ZNF385B: variants seen among roughly 807,000 people sequenced by gnomAD.
ZNF385B encodes the protein zinc finger protein 385B.
A neutral mutation model predicts 39.2 loss-of-function variants in ZNF385B; 23 were observed. That is an observed-to-expected ratio of 0.59 (90% CI 0.42 to 0.83). The LOEUF is 0.83. Among genes scored for constraint, ZNF385B ranks in the 40% least tolerant of loss-of-function variants. The pLI is 0.00. For synonymous variants in ZNF385B, 205 were observed against 222.6 expected, an observed-to-expected ratio of 0.92 and a Z score of 0.70; for missense variants, 552 against 598.9, an observed-to-expected ratio of 0.92 and a Z score of 0.82.
intron 4 of ZNF385B, among the ~76,000 whole-genome samples, chr2:179,529,227 ATG>A (rs2105850835): frequency 6.6e-6 from 1 of 152,292 alleles, no homozygotes; most frequent in East Asian, 1.9e-4. Flanking sequence ...TCAACCCCAA[ATG>A]CAACTGCTGT....
At chr2:179,609,984 G>A (rs180770713) in intron 3 of ZNF385B, among the ~76,000 whole-genome samples, 18 of 152,172 alleles carry the variant, frequency 1.2e-4, no homozygotes, top group African/African-American at 3.1e-4. Flanking sequence ...TGGATACTTC[G>A]CAAATATTTT....
intron 1 of ZNF385B, among the ~76,000 whole-genome samples, chr2:179,799,425 C>T (rs1346541725): frequency 2.0e-5 from 3 of 151,954 alleles, no homozygotes; most frequent in Non-Finnish European, 4.4e-5. Context: ...TTTTCATCTC[C>T]TCTTTAGGCA....
intron 3 of ZNF385B, among the ~76,000 whole-genome samples, chr2:179,588,062 G>A (rs896397503): frequency 5.9e-5 from 9 of 152,068 alleles, no homozygotes; most frequent in Non-Finnish European, 1.2e-4. Flanking sequence ...CATCGGAAAG[G>A]CAAGCATTTG....
At chr2:179,445,000 C>T (rs1428325210) in intron 8 of ZNF385B, 23 bp from the exon 9 acceptor site, 1 of 1,595,462 alleles carries the variant, frequency 6.3e-7, no homozygotes, top group East Asian at 2.2e-5. Flanking sequence ...GATGCATTAG[C>T]TGGACTGAAA....
intron 6 of ZNF385B, among the ~76,000 whole-genome samples, chr2:179,450,097 T>C (rs1329923532): frequency 4.6e-5 from 7 of 151,602 alleles, no homozygotes; most frequent in South Asian, 2.1e-4. Context: ...ATACAAAAAT[T>C]AATTCAAGAT....
intron 3 of ZNF385B, among the ~76,000 whole-genome samples, chr2:179,601,629 A>G (rs1688417296): frequency 1.3e-5 from 2 of 152,146 alleles, no homozygotes; most frequent in Admixed American, 1.3e-4. Context: ...TTCAAATTAC[A>G]GTTACCACTT....
At chr2:179,621,046 T>C (rs1042509494) in intron 3 of ZNF385B, among the ~76,000 whole-genome samples, 1 of 152,186 alleles carries the variant, frequency 6.6e-6, no homozygotes, top group Non-Finnish European at 1.5e-5. Flanking sequence ...ACTTGATGTC[T>C]TGGATCATAC....
At chr2:179,636,255 T>C (rs1159269347) in intron 3 of ZNF385B, among the ~76,000 whole-genome samples, 2 of 152,212 alleles carry the variant, frequency 1.3e-5, no homozygotes, top group East Asian at 1.9e-4. Context: ...AGTACATTCA[T>C]AATACAACAT....
rs1387214676 is a variant in ZNF385B, at chr2:179,729,146, AAC to A, written c.298+40355_298+40356del. On this transcript the variant is annotated intron_variant, in intron 3 of 9. Coordinates refer to ENST00000410066, the MANE Select transcript of ZNF385B (RefSeq NM_152520.6). Reference sequence around the variant, plus strand: ...CTATTCTCAAAAAAAAAAAAAAAAAAACCAAGGAAATTAACTTTCTTTTTAGT... The same window carrying A: ...CTATTCTCAAAAAAAAAAAAAAAAAACAAGGAAATTAACTTTCTTTTTAGT... 3.4e-3 allele frequency among the ~76,000 whole-genome samples: 500 copies of A among 148,486 alleles called. 3 individuals carry two copies. Among genetic ancestry groups the A allele is most frequent in the South Asian group, 0.017 (83 of 4,766 alleles).
intron 3 of ZNF385B, among the ~76,000 whole-genome samples, chr2:179,571,662 T>A (rs963336716): frequency 2.0e-5 from 3 of 152,220 alleles, no homozygotes; most frequent in Non-Finnish European, 4.4e-5. Flanking sequence ...TTACAACCTT[T>A]AAGTTCTATT....
At chr2:179,540,379 G>GA in intron 4 of ZNF385B, among the ~76,000 whole-genome samples, 1 of 152,296 alleles carries the variant, frequency 6.6e-6, no homozygotes. Context: ...CCGGGAGGCA[G>GA]AGGTTGCGGT....
intron 3 of ZNF385B, chr2:179,745,931 C>T: frequency 4.8e-6 from 6 of 1,237,292 alleles, no homozygotes; most frequent in South Asian, 3.8e-5. Context: ...ATTGAAAATC[C>T]TTTACATGCT....
At chr2:179,807,922 GAAAGAAA>G (rs1559213142) in intron 1 of ZNF385B, among the ~76,000 whole-genome samples, 3 of 149,952 alleles carry the variant, frequency 2.0e-5, no homozygotes, top group East Asian at 3.9e-4. Flanking sequence ...AAGAAAGAAA[GAAAGAAA>G]GAAGGAAGGA....
intron 3 of ZNF385B, among the ~76,000 whole-genome samples, chr2:179,753,783 A>G (rs199501687): frequency 0.14 from 20,700 of 152,130 alleles, 1,888 homozygotes; most frequent in East Asian, 0.49. Context: ...CATTGATTTT[A>G]TATCCTGAGA....
chr2:179,765,589 C>T (rs772044886), intron 3 of ZNF385B, among the ~76,000 whole-genome samples: 2 of 152,152 alleles, frequency 1.3e-5, no homozygotes, highest in Non-Finnish European at 2.9e-5. Context: ...ATTGTCCTGC[C>T]ACTGTCCCAG....
chr2:179,483,246 T>C (rs760872466), intron 6 of ZNF385B, 26 bp downstream of exon 6: 2 of 1,612,700 alleles, frequency 1.2e-6, no homozygotes, highest in Non-Finnish European at 8.5e-7. Flanking sequence ...ACACAAAGAA[T>C]GTAAAGAACA....
chr2:179,753,227 A>G (rs948128137), intron 3 of ZNF385B, among the ~76,000 whole-genome samples: 3 of 152,170 alleles, frequency 2.0e-5, no homozygotes, highest in Non-Finnish European at 4.4e-5. Flanking sequence ...CAGGTTTGTC[A>G]AAGATCAGAT....
At chr2:179,667,481 A>G (rs1695318535) in intron 3 of ZNF385B, among the ~76,000 whole-genome samples, 2 of 152,138 alleles carry the variant, frequency 1.3e-5, no homozygotes, top group Admixed American at 1.3e-4. Flanking sequence ...TCTTCTACCT[A>G]ATCTAACCCC....
intron 1 of ZNF385B, among the ~76,000 whole-genome samples, chr2:179,832,464 AT>A (rs1708037240): frequency 6.6e-6 from 1 of 152,226 alleles, no homozygotes; most frequent in Non-Finnish European, 1.5e-5. Context: ...CAAAAGTGGA[AT>A]TTAGATAAAA....
Sources: gnomAD v4.1 joint callset for allele counts (sites outside exome capture counted in the v4.1 genomes callset) on GRCh38, gnomAD v4.1.1 for gene constraint, MANE v1.5 for transcripts, NCBI Gene and HGNC (gene_info 2026-07-23, HGNC 2026-07-21) for gene names.